Variants in GRK3 observed in about 807,000 individuals in gnomAD.
GRK3 encodes G protein-coupled receptor kinase 3.
A neutral mutation model predicts 95.7 loss-of-function variants in GRK3; 54 were observed. The ratio of observed to expected loss-of-function variants is 0.56; its 90% CI spans 0.45 to 0.71. GRK3 has a LOEUF of 0.71. GRK3 is among the 30% of genes least tolerant of loss of function. GRK3 has a pLI of 0.00. For missense variants in GRK3, 649 were observed against 851.2 expected, an observed-to-expected ratio of 0.76 and a Z score of 2.96; for synonymous variants, 281 against 290.8, an observed-to-expected ratio of 0.97 and a Z score of 0.34.
intron 2 of GRK3, among the ~76,000 whole-genome samples, chr22:25,612,152 G>A (rs2084503069): frequency 6.6e-6 from 1 of 152,022 alleles, no homozygotes; most frequent in Admixed American, 6.6e-5. Context: ...ATATTTAAGA[G>A]CTTTTTGCCT....
chr22:25,671,205 T>A (rs549881524), intron 6 of GRK3, among the ~76,000 whole-genome samples: 2 of 151,298 alleles, frequency 1.3e-5, no homozygotes, highest in South Asian at 4.2e-4. Context: ...GTCCACGTGG[T>A]GGCGGGCGCC....
At chr22:25,603,060 A>C (rs1285185000) in intron 1 of GRK3, among the ~76,000 whole-genome samples, 1 of 152,044 alleles carries the variant, frequency 6.6e-6, no homozygotes, top group East Asian at 1.9e-4. Context: ...GGGACTACAG[A>C]CACGCACAAC....
chr22:25,649,270 A>G, intron 3 of GRK3: 1 of 979,630 alleles, frequency 1.0e-6, no homozygotes, highest in Non-Finnish European at 1.6e-6. Flanking sequence ...CACATCTGCC[A>G]AAATGTGAAG....
chr22:25,595,642 G>A (rs1264362539), intron 1 of GRK3, among the ~76,000 whole-genome samples: 2 of 152,128 alleles, frequency 1.3e-5, no homozygotes, highest in African/African-American at 4.8e-5. Context: ...TAGGAAATTA[G>A]ACTTTTTAAA....
intron 2 of GRK3, among the ~76,000 whole-genome samples, chr22:25,618,663 T>C (rs1415501389): frequency 6.6e-6 from 1 of 152,234 alleles, no homozygotes; most frequent in East Asian, 1.9e-4. Context: ...GTCTTTTGAA[T>C]TGAATATACT....
At chr22:25,716,017 CA>C in intron 18 of GRK3, among the ~76,000 whole-genome samples, 1 of 152,228 alleles carries the variant, frequency 6.6e-6, no homozygotes, top group East Asian at 1.9e-4. Context: ...GATGGAGTCT[CA>C]CACTGTCACC....
chr22:25,647,605 G>C (rs1420605139), intron 3 of GRK3: 1 of 1,539,700 alleles, frequency 6.5e-7, no homozygotes, highest in South Asian at 1.1e-5. Context: ...ATTTAAGAAG[G>C]GTGAAAAATT....
At chr22:25,686,668 A>G (rs1397127156) in intron 10 of GRK3, among the ~76,000 whole-genome samples, 1 of 152,192 alleles carries the variant, frequency 6.6e-6, no homozygotes, top group African/African-American at 2.4e-5. Flanking sequence ...ATTTGAGGCC[A>G]TCTGATAATT....
At chr22:25,712,161 G>A (rs929059290) in intron 17 of GRK3, among the ~76,000 whole-genome samples, 1 of 152,240 alleles carries the variant, frequency 6.6e-6, no homozygotes, top group African/African-American at 2.4e-5. Context: ...GGCCATGATG[G>A]TGATTGGGGT....
In GRK3 at chr22:25,704,089, C is replaced by T; in HGVS notation, c.1228-20C>T. ...TGTTTCATGAACGGATTTTTGAAAT[C>T]TTACTCGTCTTTTCCCCAGAATGTG... On this transcript the variant is annotated intron_variant, in intron 14 of 20. Coordinates refer to ENST00000324198, the MANE Select transcript of GRK3 (RefSeq NM_005160.4). 6.9e-6 allele frequency: 11 copies of T among 1,588,296 alleles called. No individual in the cohort carries two copies. Among genetic ancestry groups the T allele is most frequent in the Non-Finnish European group, 9.5e-6 (11 of 1,158,894 alleles).
At chr22:25,689,247 G>A (rs1601528856) in intron 11 of GRK3, among the ~76,000 whole-genome samples, 2 of 151,990 alleles carry the variant, frequency 1.3e-5, no homozygotes, top group African/African-American at 2.4e-5. Flanking sequence ...TTCCTTATGC[G>A]AGCTTTGCAA....
At chr22:25,718,471 T>C (rs954005739) in intron 19 of GRK3, 90 bp downstream of exon 19, 5 of 1,387,482 alleles carry the variant, frequency 3.6e-6, no homozygotes, top group Admixed American at 3.9e-5. Context: ...TTATACACTA[T>C]CCTCCGAAAC....
chr22:25,649,287 T>C, intron 3 of GRK3: 1 of 879,678 alleles, frequency 1.1e-6, no homozygotes, highest in Non-Finnish European at 1.9e-6. Context: ...GAAGAACCTG[T>C]ATAGAATTTC....
At chr22:25,671,778 G>A (rs564992461) in intron 6 of GRK3, among the ~76,000 whole-genome samples, 13 of 152,340 alleles carry the variant, frequency 8.5e-5, no homozygotes, top group Admixed American at 8.5e-4. Flanking sequence ...TTGTCTTAGA[G>A]CTGTGCTTTA....
chr22:25,671,616 C>T (rs1192374184), intron 6 of GRK3, among the ~76,000 whole-genome samples: 1 of 152,170 alleles, frequency 6.6e-6, no homozygotes, highest in Admixed American at 6.5e-5. Context: ...CACTGTGTGA[C>T]CTTGGCCAAG....
At chr22:25,581,712 C>T (rs746313540) in intron 1 of GRK3, among the ~76,000 whole-genome samples, 7 of 151,784 alleles carry the variant, frequency 4.6e-5, no homozygotes, top group Non-Finnish European at 8.8e-5. Flanking sequence ...CTTTAGAAAA[C>T]GATGATCTGT....
At chr22:25,708,952 A>G (rs2085322257) in intron 15 of GRK3, among the ~76,000 whole-genome samples, 1 of 152,060 alleles carries the variant, frequency 6.6e-6, no homozygotes, top group Non-Finnish European at 1.5e-5. Flanking sequence ...ATGAGCCACC[A>G]TGCCTGACCA....
chr22:25,722,177 G>C, intron 20 of GRK3, 112 bp from the exon 21 acceptor site: 1 of 1,197,938 alleles, frequency 8.3e-7, no homozygotes, highest in African/African-American at 1.5e-5. Context: ...TGGACACGTA[G>C]GGTGTGCTTC....
chr22:25,597,903 A>G (rs1490367014), intron 1 of GRK3, among the ~76,000 whole-genome samples: 1 of 152,216 alleles, frequency 6.6e-6, no homozygotes, highest in Non-Finnish European at 1.5e-5. Context: ...AAGGCAAAAC[A>G]AAGACTTTTT....
Sources: gnomAD v4.1 joint callset for allele counts (sites outside exome capture counted in the v4.1 genomes callset) on GRCh38, gnomAD v4.1.1 for gene constraint, MANE v1.5 for transcripts, NCBI Gene and HGNC (gene_info 2026-07-23, HGNC 2026-07-21) for gene names.